Variants in SGF29 observed in about 807,000 individuals in gnomAD.
SGF29 encodes SAGA-associated factor 29.
A neutral mutation model predicts 38.1 loss-of-function variants in SGF29; 15 were observed. The observed-to-expected ratio is 0.39, with a 90% CI of 0.26 to 0.61. SGF29 has a LOEUF of 0.61. Ranked by LOEUF, SGF29 falls within the 20% of genes least tolerant of loss-of-function variation. The probability of loss-of-function intolerance (pLI) is 0.49; values close to 1 mark genes in which losing one functional copy is unlikely to be tolerated. For synonymous variants in SGF29, 151 were observed against 160.8 expected, an observed-to-expected ratio of 0.94 and a Z score of 0.46; for missense variants, 184 against 394.6, an observed-to-expected ratio of 0.47 and a Z score of 4.52.
intron 1 of SGF29, among the ~76,000 whole-genome samples, chr16:28,562,235 G>T (rs2046794675): frequency 6.6e-6 from 1 of 152,174 alleles, no homozygotes; most frequent in Non-Finnish European, 1.5e-5. Context: ...CATGCTCTGG[G>T]CCGGCCACTG....
intron 2 of SGF29, among the ~76,000 whole-genome samples, chr16:28,583,070 C>G (rs2046935780): frequency 1.3e-5 from 2 of 152,268 alleles, no homozygotes. Flanking sequence ...TTCCCAGACT[C>G]CCATCTCACC....
At chr16:28,565,148 C>T (rs1020051353) in intron 1 of SGF29, among the ~76,000 whole-genome samples, 9 of 152,140 alleles carry the variant, frequency 5.9e-5, no homozygotes, top group African/African-American at 1.4e-4. Context: ...CCCCTTCTTC[C>T]GCCTGCTTTG....
At chr16:28,562,427 C>T (rs1368171443) in intron 1 of SGF29, among the ~76,000 whole-genome samples, 1 of 152,126 alleles carries the variant, frequency 6.6e-6, no homozygotes, top group Non-Finnish European at 1.5e-5. Flanking sequence ...AGTTCCTTTC[C>T]CTGATGGCTG....
chr16:28,583,541 A>T (rs934401140), intron 2 of SGF29, among the ~76,000 whole-genome samples: 1 of 152,208 alleles, frequency 6.6e-6, no homozygotes, highest in Non-Finnish European at 1.5e-5. Flanking sequence ...TCAGGCACTT[A>T]AAAATTCTCA....
chr16:28,574,505 C>T (rs1236452152), intron 1 of SGF29, among the ~76,000 whole-genome samples: 2 of 152,206 alleles, frequency 1.3e-5, no homozygotes, highest in Non-Finnish European at 2.9e-5. Context: ...ATTCAATTAA[C>T]ACTTCAGTGC....
intron 1 of SGF29, among the ~76,000 whole-genome samples, chr16:28,564,718 T>C (rs1290422684): frequency 9.9e-5 from 6 of 60,732 alleles, no homozygotes; most frequent in East Asian, 2.5e-4. Flanking sequence ...CATATATATG[T>C]ATATATATAC....
chr16:28,556,339 TTTTG>T (rs377033677), intron 1 of SGF29, among the ~76,000 whole-genome samples: 14 of 151,270 alleles, frequency 9.3e-5, no homozygotes, highest in East Asian at 5.9e-4. Context: ...CTGGCTAATT[TTTTG>T]TTTGTTTGTT....
At chr16:28,581,212 G>A in intron 2 of SGF29, 68 bp downstream of exon 2, 4 of 1,427,044 alleles carry the variant, frequency 2.8e-6, no homozygotes, top group Non-Finnish European at 3.9e-6. Flanking sequence ...TGAAGTGGGG[G>A]TGGCATTTGT....
intron 1 of SGF29, among the ~76,000 whole-genome samples, chr16:28,562,332 C>T (rs780973023): frequency 2.6e-5 from 4 of 152,128 alleles, no homozygotes; most frequent in Admixed American, 6.5e-5. Context: ...ATAATTCATC[C>T]AGGGTGAGTG....
At chr16:28,558,084 C>T (rs2046763991) in intron 1 of SGF29, among the ~76,000 whole-genome samples, 1 of 140,622 alleles carries the variant, frequency 7.1e-6, no homozygotes, top group African/African-American at 2.6e-5. Context: ...GCTGGGACTA[C>T]AGGAGTCCAC....
At chr16:28,565,521 G>C in intron 1 of SGF29, among the ~76,000 whole-genome samples, 1 of 151,998 alleles carries the variant, frequency 6.6e-6, no homozygotes, top group South Asian at 2.1e-4. Flanking sequence ...ATTTTGAGAC[G>C]GAGTCTCGCT....
At position 28,591,730 on chromosome 16, in the gene SGF29, C is replaced by T. The variant is rs775706175; in HGVS notation, c.*24C>T. 9.7e-6 allele frequency: 15 copies of T among 1,550,488 alleles called. No homozygotes were observed. Among genetic ancestry groups the T allele is most frequent in the Middle Eastern group, 1.7e-4 (1 of 5,928 alleles). On this transcript the variant is annotated 3_prime_UTR_variant, in exon 10 of 10. Coordinates refer to ENST00000317058, the MANE Select transcript of SGF29 (RefSeq NM_138414.3). ...GATGCCGCCTGGCAGACTCGCCATC[C>T]CCCAACGACACAGGGCAGGACAGCA...
At chr16:28,561,127 C>A (rs1444660573) in intron 1 of SGF29, among the ~76,000 whole-genome samples, 3 of 152,128 alleles carry the variant, frequency 2.0e-5, no homozygotes, top group African/African-American at 7.2e-5. Context: ...TGTGGTGGCT[C>A]ACACCTATAA....
rs780163057 is a variant in SGF29 at position 28,581,156 on chromosome 16, C to T, written c.75+12C>T. The T allele has an allele frequency of 1.2e-6, 2 of 1,612,668 alleles. No individual in the cohort carries two copies. Among genetic ancestry groups the T allele is most frequent in the South Asian group, 1.1e-5 (1 of 90,938 alleles). ...TCAAACAAACCCAGGTAAAAAGTCA[C>T]CACCCTCCATTCCCAGATGGGAACA... On this transcript the variant is annotated intron_variant, in intron 2 of 9. Transcript: ENST00000317058.
chr16:28,562,893 G>C (rs1359970156), intron 1 of SGF29, among the ~76,000 whole-genome samples: 1 of 108,228 alleles, frequency 9.2e-6, no homozygotes, highest in African/African-American at 3.5e-5. Context: ...GACAGAGTGA[G>C]ACCCTGTCTC....
chr16:28,569,489 G>C (rs1596600205), intron 1 of SGF29, among the ~76,000 whole-genome samples: 1 of 151,612 alleles, frequency 6.6e-6, no homozygotes, highest in East Asian at 2.0e-4. Context: ...GTGCAACCCT[G>C]TCTCTACAAA....
rs574067199 is a variant in SGF29, at chr16:28,565,559, G to A, written c.-16+11462G>A. On this transcript the variant is annotated intron_variant, in intron 1 of 9. Transcript: ENST00000317058. Reference sequence around the variant, plus strand: ...GTCACCCAGGCTGGAGTGCAATGGCGCGATTTTGGCTCACTGTAACCTCCT... The same window carrying A: ...GTCACCCAGGCTGGAGTGCAATGGCACGATTTTGGCTCACTGTAACCTCCT... 3.3e-4 allele frequency among the ~76,000 whole-genome samples: 50 copies of A among 152,134 alleles called. 1 individual carries two copies. Among genetic ancestry groups the A allele is most frequent in the Admixed American group, 2.7e-3 (42 of 15,274 alleles).
At chr16:28,588,468 T>A in intron 4 of SGF29, 1 of 335,830 alleles carries the variant, frequency 3.0e-6, no homozygotes, top group South Asian at 2.2e-5. Flanking sequence ...TCCTTTCCTC[T>A]CTGGGATCCT....
chr16:28,558,498 A>G lies in SGF29; in HGVS notation c.-16+4401A>G, dbSNP rs146464385. Among the ~76,000 whole-genome samples, 10 of 152,202 alleles carry G rather than the reference A, an allele frequency of 6.6e-5. No homozygotes were observed. In the East Asian group the frequency reaches 1.2e-3, roughly 18 times the overall value. On this transcript the variant is annotated intron_variant, in intron 1 of 9. Transcript: ENST00000317058. ...GGTCTCAAACTCCTGGGCTCAAGCA[A>G]TCCTCTGTACTTGGCCTCCCAAGGT...
Sources: allele counts gnomAD v4.1 joint callset (sites outside exome capture counted in the v4.1 genomes callset), GRCh38; gene constraint gnomAD v4.1.1; transcripts MANE v1.5; gene names NCBI Gene and HGNC (gene_info 2026-07-23, HGNC 2026-07-21).